The following AGK variants were observed in gnomAD, a reference collection of about 807,000 sequenced individuals.
AGK encodes acylglycerol kinase, also known as acylglycerol kinase, mitochondrial.
AGK carries 52 observed loss-of-function variants against 66.4 expected under a neutral mutation model. That is an observed-to-expected ratio of 0.78 (90% CI 0.63 to 0.99). The LOEUF is 0.99. Ranked by LOEUF, AGK falls within the 50% of genes least tolerant of loss-of-function variation. AGK has a pLI of 0.00. For missense variants in AGK, 451 were observed against 506.6 expected (o/e 0.89, Z 1.05); for synonymous variants, 182 against 181.1 (o/e 1.00, Z -0.04).
At chr7:141,591,983 C>T (rs1365788292) in intron 2 of AGK, among the ~76,000 whole-genome samples, 1 of 152,184 alleles carries the variant, frequency 6.6e-6, no homozygotes, top group African/African-American at 2.4e-5. Context: ...CAAAATTCTC[C>T]ATTTATGATT....
chr7:141,626,997 TG>T (rs558735036), intron 9 of AGK, among the ~76,000 whole-genome samples: 86 of 152,294 alleles, frequency 5.6e-4, no homozygotes, highest in Admixed American at 1.4e-3. Flanking sequence ...TGCAATTTAT[TG>T]GCAAATTTAA....
Position 141,652,934 on chromosome 7 carries a change from G to C in AGK, c.*10G>C, listed in dbSNP as rs1797600930. On this transcript the variant is annotated 3_prime_UTR_variant, in exon 16 of 16. Coordinates refer to ENST00000649286, the MANE Select transcript of AGK (RefSeq NM_018238.4). ...AAGCCCCACCCAGTGAGCAGCAGAA[G>C]ACAAGCACTCTGAGACCACACTTTA... 6.2e-7 allele frequency: 1 copy of C among 1,613,610 alleles called. No homozygotes were observed. Among genetic ancestry groups the C allele is most frequent in the Non-Finnish European group, 8.5e-7 (1 of 1,179,938 alleles).
At chr7:141,632,188 G>A (rs1223138742) in intron 9 of AGK, among the ~76,000 whole-genome samples, 2 of 150,374 alleles carry the variant, frequency 1.3e-5, no homozygotes, top group South Asian at 2.1e-4. Flanking sequence ...CCGAGATCGT[G>A]CCACTGCACT....
chr7:141,653,200 T>A lies in AGK; in HGVS notation c.*276T>A. The stretch of plus-strand genomic sequence containing the variant: ...GGCTGGTTCAAGACGGAAAAGGACT[T>A]TCTTCTGTTTTCTTCCAAAGTGCAA... On this transcript the variant is annotated 3_prime_UTR_variant, in exon 16 of 16. Coordinates refer to ENST00000649286, the MANE Select transcript of AGK (RefSeq NM_018238.4). 1 of 353,920 alleles carries A rather than the reference T, an allele frequency of 2.8e-6. No individual in the cohort carries two copies. Among genetic ancestry groups the A allele is most frequent in the South Asian group, 3.6e-5 (1 of 28,148 alleles). 21.9% of individuals were successfully genotyped at this position (353,920 alleles called of 1,614,324 possible). A position where few individuals can be genotyped will look rare whatever the true frequency, so the allele number is the denominator to read the frequency against.
At chr7:141,632,978 T>G (rs543586408) in intron 9 of AGK, among the ~76,000 whole-genome samples, 1 of 152,354 alleles carries the variant, frequency 6.6e-6, no homozygotes, top group Non-Finnish European at 1.5e-5. Flanking sequence ...ACTCTTACCC[T>G]TGCGGAGAAG....
chr7:141,580,386 G>T (rs1052555210), intron 2 of AGK, among the ~76,000 whole-genome samples: 3 of 151,936 alleles, frequency 2.0e-5, no homozygotes, highest in African/African-American at 7.3e-5. Context: ...TGTGATCAGG[G>T]TGAGGAACAG....
intron 6 of AGK, among the ~76,000 whole-genome samples, chr7:141,613,936 G>A (rs1325355642): frequency 1.3e-5 from 2 of 151,870 alleles, no homozygotes; most frequent in Non-Finnish European, 2.9e-5. Flanking sequence ...AGCCTTTATT[G>A]TATTATTGAT....
At chr7:141,563,522 T>C (rs1437328310) in intron 2 of AGK, among the ~76,000 whole-genome samples, 1 of 152,260 alleles carries the variant, frequency 6.6e-6, no homozygotes, top group Non-Finnish European at 1.5e-5. Flanking sequence ...CCGGACACCC[T>C]GAGTGTCCAT....
intron 8 of AGK, among the ~76,000 whole-genome samples, chr7:141,619,445 A>G (rs1483425175): frequency 6.6e-6 from 1 of 152,146 alleles, no homozygotes; most frequent in Non-Finnish European, 1.5e-5. Context: ...ATAATAGAAA[A>G]GACAGTTTTT....
chr7:141,576,748 A>G (rs1439145114), intron 2 of AGK, among the ~76,000 whole-genome samples: 1 of 152,084 alleles, frequency 6.6e-6, no homozygotes, highest in Non-Finnish European at 1.5e-5. Context: ...CTAACAAAAA[A>G]TAAAATTCAG....
chr7:141,613,192 G>T (rs1796632621), intron 6 of AGK, among the ~76,000 whole-genome samples: 1 of 152,086 alleles, frequency 6.6e-6, no homozygotes, highest in Non-Finnish European at 1.5e-5. Context: ...GAGGAGATCT[G>T]GGTCAGGTTT....
At chr7:141,593,266 C>A in intron 3 of AGK, 81 bp downstream of exon 3, 1 of 1,271,072 alleles carries the variant, frequency 7.9e-7, no homozygotes, top group Non-Finnish European at 1.1e-6. Context: ...AGGGGACTTG[C>A]ACAGTGTCTT....
At position 141,615,515 on chromosome 7, in the gene AGK, G is replaced by T; in HGVS notation, c.468G>T (p.Glu156Asp). 6.2e-7 allele frequency: 1 copy of T among 1,614,006 alleles called. No homozygotes were observed. The highest frequency in any genetic ancestry group is 2.2e-5 in the East Asian group (1 of 44,878). The change falls in exon 8 of 16, where the codon GAG (glutamate) becomes GAT (aspartate). Residue 156 changes from glutamate to aspartate, a missense_variant. Glu to Asp is a conservative substitution (Grantham distance 45, BLOSUM62 2). Coordinates refer to ENST00000649286, the MANE Select transcript of AGK (RefSeq NM_018238.4). Reference protein sequence around the residue: ...KIPIGFIPLGETSSLSHTLFA... With the variant: ...KIPIGFIPLGDTSSLSHTLFA... ...CCATTGGATTTATCCCACTGGGAGA[G>T]ACCAGTAGTTTGAGTCATACCCTCT...
At chr7:141,625,363 A>G (rs1007287308) in intron 9 of AGK, among the ~76,000 whole-genome samples, 1 of 151,882 alleles carries the variant, frequency 6.6e-6, no homozygotes, top group African/African-American at 2.4e-5. Context: ...TTATTTATTT[A>G]TTTTTGGACA....
At chr7:141,631,864 G>A (rs533749794) in intron 9 of AGK, among the ~76,000 whole-genome samples, 1 of 152,210 alleles carries the variant, frequency 6.6e-6, no homozygotes, top group East Asian at 1.9e-4. Context: ...GGCCTCATTT[G>A]GATTTCTCAT....
At chr7:141,565,300 G>A (rs1587066003) in intron 2 of AGK, among the ~76,000 whole-genome samples, 1 of 152,118 alleles carries the variant, frequency 6.6e-6, no homozygotes, top group Non-Finnish European at 1.5e-5. Flanking sequence ...AAAGTAAAAA[G>A]TTTTCCTGCC....
intron 1 of AGK, among the ~76,000 whole-genome samples, chr7:141,552,584 C>G (rs1454682536): frequency 6.6e-6 from 1 of 152,184 alleles, no homozygotes; most frequent in Non-Finnish European, 1.5e-5. Flanking sequence ...TCTAGACACT[C>G]CAATTTTTAC....
intron 2 of AGK, 69 bp from the exon 3 acceptor site, chr7:141,593,077 G>C: frequency 7.2e-7 from 1 of 1,395,220 alleles, no homozygotes; most frequent in East Asian, 2.3e-5. Flanking sequence ...AAATTAAAAA[G>C]CTCACAAATT....
At chr7:141,638,245 A>G (rs1797216140) in intron 11 of AGK, among the ~76,000 whole-genome samples, 1 of 152,152 alleles carries the variant, frequency 6.6e-6, no homozygotes, top group Non-Finnish European at 1.5e-5. Flanking sequence ...AGGGGCATCT[A>G]AATCTAATGA....
Sources: gnomAD v4.1 joint callset for allele counts (sites outside exome capture counted in the v4.1 genomes callset) on GRCh38, gnomAD v4.1.1 for gene constraint, MANE v1.5 for transcripts, NCBI Gene and HGNC (gene_info 2026-07-23, HGNC 2026-07-21) for gene names.